Variants in DYRK1A observed in about 807,000 individuals in gnomAD.
DYRK1A encodes the protein dual specificity tyrosine phosphorylation regulated kinase 1A.
In DYRK1A, 9 loss-of-function variants were observed where a neutral mutation model predicts 79.7. The ratio of observed to expected loss-of-function variants is 0.11; its 90% confidence interval spans 0.07 to 0.20. DYRK1A has a LOEUF of 0.20. Among genes scored for constraint, DYRK1A ranks in the 10% least tolerant of loss-of-function variants. The pLI, the probability that DYRK1A is intolerant of heterozygous loss-of-function variation, is 1.00. For missense variants in DYRK1A, 622 were observed against 956.0 expected, an observed-to-expected ratio of 0.65 and a Z score of 4.61; for synonymous variants, 349 against 329.7, an observed-to-expected ratio of 1.06 and a Z score of -0.63.
intron 7 of DYRK1A, among the ~76,000 whole-genome samples, chr21:37,491,304 C>T (rs1192271371): frequency 6.6e-6 from 1 of 152,022 alleles, no homozygotes; most frequent in African/African-American, 2.4e-5. Context: ...ATAGGGGTCT[C>T]CTCTTGAAAG....
At chr21:37,495,851 T>C (rs2053251400) in intron 8 of DYRK1A, among the ~76,000 whole-genome samples, 1 of 152,236 alleles carries the variant, frequency 6.6e-6, no homozygotes, top group Non-Finnish European at 1.5e-5. Flanking sequence ...CTTTAAAACT[T>C]CCTCTCATCT....
Position 37,371,130 on chromosome 21 carries a change from TC to T in DYRK1A, c.-77+3505del, listed in dbSNP as rs2049420749. The stretch of plus-strand genomic sequence containing the variant: ...TTACCTAAAATTTCTCCTCAGTTGC[TC>T]CCAAATGAAGAAAGCTTTTTGAAAT... On this transcript the variant is annotated intron_variant, in intron 1 of 11. Coordinates refer to ENST00000647188, the MANE Select transcript of DYRK1A (RefSeq NM_001347721.2). 1.1e-4 allele frequency among the ~76,000 whole-genome samples: 17 copies of T among 152,330 alleles called. No individual in the cohort carries two copies. The South Asian group carries it at 3.5e-3, about 32-fold the overall frequency.
chr21:37,395,923 A>G (rs1000409173), intron 1 of DYRK1A, among the ~76,000 whole-genome samples: 1 of 152,208 alleles, frequency 6.6e-6, no homozygotes, highest in Non-Finnish European at 1.5e-5. Context: ...AAAACTCTTC[A>G]TGTTTTCCAC....
chr21:37,440,221 C>T (rs571202984), intron 2 of DYRK1A, among the ~76,000 whole-genome samples: 25 of 137,306 alleles, frequency 1.8e-4, no homozygotes, highest in Admixed American at 3.2e-4. Flanking sequence ...CTGCAACCTC[C>T]GCCCCCTGGG....
intron 1 of DYRK1A, among the ~76,000 whole-genome samples, chr21:37,397,026 T>A (rs2049970272): frequency 6.6e-6 from 1 of 152,162 alleles, no homozygotes; most frequent in African/African-American, 2.4e-5. Flanking sequence ...GTTGTCTCTG[T>A]ACTAGCTCAG....
At chr21:37,429,347 T>C (rs2050712790) in intron 2 of DYRK1A, among the ~76,000 whole-genome samples, 1 of 152,172 alleles carries the variant, frequency 6.6e-6, no homozygotes, top group African/African-American at 2.4e-5. Context: ...GTTCTTGCAC[T>C]GCTATAAAGG....
At chr21:37,445,120 G>T (rs2051226113) in intron 2 of DYRK1A, among the ~76,000 whole-genome samples, 1 of 152,166 alleles carries the variant, frequency 6.6e-6, no homozygotes, top group Non-Finnish European at 1.5e-5. Context: ...ACAGGATGGT[G>T]CTTCTGATAG....
chr21:37,414,769 G>A (rs953048267), intron 1 of DYRK1A, among the ~76,000 whole-genome samples: 1 of 152,130 alleles, frequency 6.6e-6, no homozygotes, highest in Non-Finnish European at 1.5e-5. Context: ...TCTGTGGTTT[G>A]AGAATTCATT....
At chr21:37,412,153 A>G (rs936520544) in intron 1 of DYRK1A, among the ~76,000 whole-genome samples, 1 of 152,212 alleles carries the variant, frequency 6.6e-6, no homozygotes, top group Non-Finnish European at 1.5e-5. Context: ...GTGATCTTGA[A>G]AATGGATAGG....
intron 2 of DYRK1A, among the ~76,000 whole-genome samples, chr21:37,438,408 A>G (rs1010542351): frequency 3.3e-5 from 5 of 151,044 alleles, no homozygotes; most frequent in Admixed American, 1.3e-4. Context: ...GTTTTTGCCT[A>G]TGTTTGTTGT....
chr21:37,379,660 T>C (rs1375578025), intron 1 of DYRK1A, among the ~76,000 whole-genome samples: 1 of 152,192 alleles, frequency 6.6e-6, no homozygotes, highest in African/African-American at 2.4e-5. Context: ...AAGCTGTGAA[T>C]CTGTAAAGGA....
chr21:37,500,181 G>A (rs2053398784), intron 9 of DYRK1A, among the ~76,000 whole-genome samples: 1 of 151,794 alleles, frequency 6.6e-6, no homozygotes, highest in Non-Finnish European at 1.5e-5. Context: ...TGTCTTTTTT[G>A]CTTTTTTAAT....
intron 2 of DYRK1A, among the ~76,000 whole-genome samples, chr21:37,433,948 T>G (rs2050850414): frequency 6.6e-6 from 1 of 152,210 alleles, no homozygotes; most frequent in Admixed American, 6.5e-5. Flanking sequence ...CCTTCTAGTT[T>G]TAGAGTTATT....
At chr21:37,415,952 T>C (rs551172646) in intron 1 of DYRK1A, among the ~76,000 whole-genome samples, 1 of 152,286 alleles carries the variant, frequency 6.6e-6, no homozygotes, top group East Asian at 1.9e-4. Flanking sequence ...GTAGTGCATA[T>C]AGGGGCTAAA....
intron 1 of DYRK1A, among the ~76,000 whole-genome samples, chr21:37,384,636 C>G (rs776475456): frequency 1.3e-5 from 2 of 152,142 alleles, no homozygotes; most frequent in Admixed American, 6.5e-5. Flanking sequence ...TCAAAGATTA[C>G]TAAATGTGTA....
At position 37,518,148 on chromosome 21, in the gene DYRK1A, A is replaced by G. The variant is rs1004060193; in HGVS notation, c.*5617A>G. ...TCCAGCCTGGGCCTCTCAAACATAA[A>G]TAGGCTGGGCGTGGTGGCTCACGTC... is the stretch of plus-strand genomic sequence containing the variant. On this transcript the variant is annotated 3_prime_UTR_variant, in exon 12 of 12. Transcript: ENST00000647188. The G allele has an allele frequency of 6.6e-6, 1 of 152,258 alleles. No homozygotes were observed. The highest frequency in any genetic ancestry group is 1.5e-5 in the Non-Finnish European group (1 of 68,066). 9.4% of individuals were successfully genotyped at this position (152,258 alleles called of 1,614,324 possible).
chr21:37,472,877 C>A lies in DYRK1A; in HGVS notation c.204C>A (p.Asn68Lys), dbSNP rs773802285. 1.3e-6 allele frequency: 2 copies of A among 1,563,094 alleles called. No homozygotes were observed. Among genetic ancestry groups the A allele is most frequent in the South Asian group, 2.4e-5 (2 of 84,724 alleles). Residue 68 changes from asparagine (N) to lysine (K), a missense_variant, in exon 3 of 12, where the codon AAC (asparagine) becomes AAA (lysine). By Grantham distance (94) the Asn-to-Lys change is moderately conservative. This residue lies in a region of DYRK1A where 91 missense variants were observed against 113.8 expected (regional missense o/e 0.80). Coordinates refer to ENST00000647188, the MANE Select transcript of DYRK1A (RefSeq NM_001347721.2). Reference protein sequence around the residue: ...YSDQIQQPLTNQRRMPQTFRD... With the variant: ...YSDQIQQPLTKQRRMPQTFRD... ...ACCAGATTCAGCAACCTCTAACTAA[C>A]CAGGTAAGTTCATGGAGTATCAGAA...
rs1294753507 is a variant in DYRK1A, at chr21:37,519,750, T to TTGTTTTGTTTTGTTTTGTTTTGTTTTG, written c.*7220_*7221insGTTTTGTTTTGTTTTGTTTTGTTTTGT. 2 of 140,722 alleles carry TTGTTTTGTTTTGTTTTGTTTTGTTTTG rather than the reference T, an allele frequency of 1.4e-5. No homozygotes were observed. Among genetic ancestry groups the TTGTTTTGTTTTGTTTTGTTTTGTTTTG allele is most frequent in the African/African-American group, 5.9e-5 (2 of 34,080 alleles). The allele number at this position is 140,722 out of a possible 1,614,324, so 8.7% of individuals were successfully genotyped here. On this transcript the variant is annotated 3_prime_UTR_variant, in exon 12 of 12. Transcript: ENST00000647188. ...TGTTGTGGGAAGTTTTTTTTTTTTT[T>TTGTTTTGTTTTGTTTTGTTTTGTTTTG]TTTTTTTTTGAGGCGGAGTCTCGCT...
At chr21:37,485,924 A>AT (rs36055374) in intron 5 of DYRK1A, among the ~76,000 whole-genome samples, 6,617 of 151,116 alleles carry the variant, frequency 0.044, 181 homozygotes, top group Middle Eastern at 0.092. Flanking sequence ...TTTGTGTTTG[A>AT]TTTTTTTTTA....
Sources: gnomAD v4.1 joint callset for allele counts (sites outside exome capture counted in the v4.1 genomes callset) on GRCh38, gnomAD v4.1.1 for gene constraint, gnomAD v4.1.1 regional missense constraint, MANE v1.5 for transcripts, NCBI Gene and HGNC (gene_info 2026-07-23, HGNC 2026-07-21) for gene names.